TCF7: variants seen among roughly 807,000 people sequenced by gnomAD.
TCF7 encodes transcription factor 7.
Under a neutral mutation model 46.8 loss-of-function variants are expected in TCF7, and 19 were observed. That is an observed-to-expected ratio of 0.41 (90% confidence interval 0.28 to 0.60). TCF7 has a LOEUF of 0.60. Ranked by LOEUF, TCF7 falls within the 20% of genes least tolerant of loss-of-function variation. TCF7 has a pLI of 0.35. For synonymous variants in TCF7, 245 were observed against 213.4 expected (o/e 1.15, Z -1.29); for missense variants, 547 against 504.6 (o/e 1.08, Z -0.81).
intron 3 of TCF7, among the ~76,000 whole-genome samples, chr5:134,133,638 T>C (rs193005876): frequency 6.6e-6 from 1 of 152,068 alleles, no homozygotes; most frequent in Non-Finnish European, 1.5e-5. Flanking sequence ...GGATTGAGGC[T>C]AAGAGGCAGC....
the TCF7 span, among the ~76,000 whole-genome samples, chr5:134,108,320 G>A: frequency 6.6e-6 from 1 of 152,184 alleles, no homozygotes; most frequent in South Asian, 2.1e-4. Flanking sequence ...TTTATTAAGT[G>A]CCACAGTATG....
chr5:134,142,287 G>C lies in TCF7; in HGVS notation c.738G>C (p.Gln246His). 1 of 1,594,776 alleles carries C rather than the reference G, an allele frequency of 6.3e-7. No homozygotes were observed. The highest frequency in any genetic ancestry group is 8.6e-7 in the Non-Finnish European group (1 of 1,167,334). Residue 246 changes from glutamine to histidine, a missense_variant, in exon 6 of 10, where the codon CAG (glutamine) becomes CAC (histidine). Gln to His is a conservative substitution (Grantham distance 24). Around this residue, in one of 3 missense-constraint regions of TCF7, gnomAD observed 425 missense variants for 349.9 expected, o/e 1.21. Transcript: ENST00000342854. ...CCCCCTCAGGGAAGCAGGAGCTGCA[G>C]CCCTTCGACCGCAACCTGTGAGTGA... ...IVPPSGKQEL[Q>H]PFDRNLKTQA... is the part of the protein sequence containing the mutation.
chr5:134,138,049 C>T lies in TCF7; in HGVS notation c.442-10C>T, dbSNP rs772307103. The T allele has an allele frequency of 1.1e-5, 18 of 1,587,518 alleles. No homozygotes were observed. Among genetic ancestry groups the T allele is most frequent in the Non-Finnish European group, 1.5e-5 (17 of 1,162,692 alleles). ...CGCCACACTCACCCACCCTCCTTCT[C>T]ATTTTTCAGCACAAGGCCAATCAGC... On this transcript the variant is annotated splice_polypyrimidine_tract_variant and intron_variant, in intron 3 of 9. Coordinates refer to ENST00000342854, the MANE Select transcript of TCF7 (RefSeq NM_003202.5).
chr5:134,140,824 C>T (rs1233569192), intron 5 of TCF7: 1 of 455,676 alleles, frequency 2.2e-6, no homozygotes, highest in Admixed American at 2.4e-5. Flanking sequence ...CCCCCTGTCC[C>T]CTTCCTGCGG....
chr5:134,110,579 G>A (rs1258276303), upstream of TCF7, among the ~76,000 whole-genome samples: 1 of 152,258 alleles, frequency 6.6e-6, no homozygotes, highest in Non-Finnish European at 1.5e-5. Context: ...TCTAGGACCT[G>A]TAACCGGGTT....
chr5:134,145,962 C>T lies in TCF7; in HGVS notation c.1076-262C>T, dbSNP rs1760636303. On this transcript the variant is annotated intron_variant, in intron 9 of 9. Transcript: ENST00000342854. ...CCTTGGAAGACAGGAGAGATGACTCCCTTGGAAGACAGATGACAGCCCATA... is the reference window on the plus strand; with the variant it reads ...CCTTGGAAGACAGGAGAGATGACTCTCTTGGAAGACAGATGACAGCCCATA... The T allele has an allele frequency of 3.4e-6, 5 of 1,473,524 alleles. No individual in the cohort carries two copies. The East Asian group carries it at 1.2e-4, about 36-fold the overall frequency. The allele number at this position is 1,473,524 out of a possible 1,614,324, so 91.3% of individuals were successfully genotyped here. A position where few individuals can be genotyped will look rare whatever the true frequency, so the allele number is the denominator to read the frequency against.
chr5:134,113,207 G>A (rs990051238), upstream of TCF7, among the ~76,000 whole-genome samples: 1 of 152,180 alleles, frequency 6.6e-6, no homozygotes. Context: ...TAATGGGCAG[G>A]GTCCCCCTCA....
At chr5:134,122,981 G>C (rs951810786) in intron 3 of TCF7, among the ~76,000 whole-genome samples, 13 of 152,206 alleles carry the variant, frequency 8.5e-5, no homozygotes, top group Non-Finnish European at 1.2e-4. Flanking sequence ...TCTTTGGCTG[G>C]GTGGCCCTGG....
intron 3 of TCF7, among the ~76,000 whole-genome samples, chr5:134,117,407 G>T (rs1171587050): frequency 6.6e-6 from 1 of 152,228 alleles, no homozygotes; most frequent in Non-Finnish European, 1.5e-5. Flanking sequence ...GGACTAGGTT[G>T]ACATAACCCA....
chr5:134,143,570 T>G, intron 8 of TCF7, 22 bp from the exon 9 acceptor site: 6 of 1,614,034 alleles, frequency 3.7e-6, no homozygotes, highest in Non-Finnish European at 8.5e-7. Context: ...GATCTGAGCA[T>G]CCCTCCTTTT....
At chr5:134,145,635 C>A in intron 9 of TCF7, 15 of 1,225,888 alleles carry the variant, frequency 1.2e-5, no homozygotes, top group Middle Eastern at 1.9e-4. Context: ...CACTCCCTGT[C>A]CAAGGGCAAG....
In TCF7 at chr5:134,138,028, ACACT is replaced by A. The variant is rs768166196; in HGVS notation, c.442-27_442-24del. The A allele has an allele frequency of 2.0e-6, 3 of 1,537,600 alleles. No individual in the cohort carries two copies. The South Asian group carries it at 3.5e-5, about 18-fold the overall frequency. On this transcript the variant is annotated intron_variant, in intron 3 of 9. Transcript: ENST00000342854. ...GTGTCTTCCTCCCTCAGGACTCGCC[ACACT>A]CACCCACCCTCCTTCTCATTTTTCA...
At chr5:134,144,945 GCAGCCCACTCCTTTGGCCCCT>G (rs1760469396) in intron 9 of TCF7, 2 of 1,324,202 alleles carry the variant, frequency 1.5e-6, no homozygotes, top group East Asian at 2.3e-5. Context: ...CACTGGGCCT[GCAGCCCACTCCTTTGGCCCCT>G]CAGCCCACTA....
In TCF7 at chr5:134,143,096, A is replaced by G; in HGVS notation, c.1022A>G (p.Asn341Ser). 1 of 1,602,514 alleles carries G rather than the reference A, an allele frequency of 6.2e-7. No individual in the cohort carries two copies. ...TACCCAGGCTGGTCAGCGCGGGACA[A>G]CTACGTGAGTGCCTAGTGACACACA... ...QLYPGWSARD[N>S]YGKKKRRSRE... The change falls in exon 8 of 10, where the codon AAC becomes AGC. Residue 341 changes from asparagine (N) to serine (S), a missense_variant. Around this residue, in one of 3 missense-constraint regions of TCF7, gnomAD observed 90 missense variants for 88.8 expected, o/e 1.01. Transcript: ENST00000342854.
chr5:134,137,950 T>G, intron 3 of TCF7, 109 bp from the exon 4 acceptor site: 1 of 898,038 alleles, frequency 1.1e-6, no homozygotes. Context: ...AGGCCTGTGG[T>G]TTTGGCCACC....
the TCF7 span, among the ~76,000 whole-genome samples, chr5:134,108,582 G>A: frequency 6.6e-6 from 1 of 152,294 alleles, no homozygotes; most frequent in South Asian, 2.1e-4. Flanking sequence ...GGGGCACTGA[G>A]CCAGGAAAGT....
rs1226478573 is a variant in TCF7, at chr5:134,146,594, C to A, written c.*291C>A. On this transcript the variant is annotated 3_prime_UTR_variant, in exon 10 of 10. Coordinates refer to ENST00000342854, the MANE Select transcript of TCF7 (RefSeq NM_003202.5). ...GACAGAGACCCAGATCTCATGGAAA[C>A]TGGCCAGGGGTCCTGTTAACGTCAT... 1.4e-6 allele frequency: 1 copy of A among 694,118 alleles called. No individual in the cohort carries two copies. The highest frequency in any genetic ancestry group is 2.6e-6 in the Non-Finnish European group (1 of 379,552). 43.0% of individuals were successfully genotyped at this position (694,118 alleles called of 1,614,324 possible).
intron 5 of TCF7, chr5:134,140,834 G>A: frequency 2.2e-6 from 1 of 455,212 alleles, no homozygotes; most frequent in Non-Finnish European, 4.4e-6. Context: ...CCTTCCTGCG[G>A]ATATAGACAG....
At chr5:134,137,803 G>A (rs1759112428) in intron 3 of TCF7, 1 of 363,512 alleles carries the variant, frequency 2.8e-6, no homozygotes, top group Admixed American at 4.7e-5. Context: ...TTTCTGGACA[G>A]GGGAGACGCA....
Sources: allele counts gnomAD v4.1 joint callset (sites outside exome capture counted in the v4.1 genomes callset), GRCh38; gene constraint gnomAD v4.1.1; regional missense constraint gnomAD v4.1.1; transcripts MANE v1.5; gene names NCBI Gene and HGNC (gene_info 2026-07-23, HGNC 2026-07-21).